FAM228B: variants seen among roughly 807,000 people sequenced by gnomAD.
FAM228B encodes the protein protein FAM228B.
FAM228B carries 38 observed loss-of-function variants against 42.6 expected under a neutral mutation model. That is an observed-to-expected ratio of 0.89 (90% CI 0.69 to 1.17). The LOEUF is 1.17. Among genes scored for constraint, FAM228B ranks in the 50% most tolerant of loss-of-function variants. The pLI, the probability that FAM228B is intolerant of heterozygous loss-of-function variation, is 0.00. For synonymous variants in FAM228B, 109 were observed against 122.3 expected (o/e 0.89, Z 0.72); for missense variants, 344 against 367.3 (o/e 0.94, Z 0.52).
upstream of FAM228B, chr2:24,119,783 G>T: frequency 3.8e-6 from 3 of 790,910 alleles, no homozygotes; most frequent in Non-Finnish European, 6.1e-6. Flanking sequence ...ATTTCCATAT[G>T]TTTGGAATAT....
chr2:24,136,975 A>C (rs1247882268), intron 3 of FAM228B, among the ~76,000 whole-genome samples: 2 of 152,060 alleles, frequency 1.3e-5, no homozygotes, highest in Non-Finnish European at 2.9e-5. Flanking sequence ...TTCTGGCTCT[A>C]TGAATTTTGG....
intron 2 of FAM228B, among the ~76,000 whole-genome samples, chr2:24,093,620 A>ATTTTT: frequency 6.9e-6 from 1 of 145,776 alleles, no homozygotes; most frequent in South Asian, 2.2e-4. Flanking sequence ...ATATGTGTGC[A>ATTTTT]TTTTTTTTTT....
intron 4 of FAM228B, 84 bp from the exon 5 acceptor site, chr2:24,139,286 T>C: frequency 3.0e-6 from 2 of 667,192 alleles, no homozygotes; most frequent in Non-Finnish European, 5.1e-6. Context: ...AATGATACTA[T>C]GTGTTTGACT....
intron 7 of FAM228B, among the ~76,000 whole-genome samples, chr2:24,149,903 A>C (rs1666986347): frequency 6.6e-6 from 1 of 152,148 alleles, no homozygotes; most frequent in South Asian, 2.1e-4. Context: ...GAGGCTTGTA[A>C]ATGCTATCTT....
rs1666443896 is a variant in FAM228B, at chr2:24,131,127, C to CA, written c.100-3991dup. Among the ~76,000 whole-genome samples, 4 of 152,256 alleles carry CA rather than the reference C, an allele frequency of 2.6e-5. No individual in the cohort carries two copies. In the South Asian group the frequency reaches 8.3e-4, roughly 32 times the overall value. ...TGTTTTTGTCTGGTTTGTCGAAGAT[C>CA]AGATGGTTGTAAATGTATGGTGTTA... On this transcript the variant is annotated intron_variant, in intron 2 of 10. Transcript: ENST00000615575.
At chr2:24,159,193 T>A (rs1265534207) in intron 7 of FAM228B, among the ~76,000 whole-genome samples, 5 of 152,228 alleles carry the variant, frequency 3.3e-5, no homozygotes, top group Non-Finnish European at 7.3e-5. Context: ...TATTTCCAAA[T>A]AAGGTCAAAT....
At chr2:24,090,048 C>T (rs1573730037) in intron 2 of FAM228B, among the ~76,000 whole-genome samples, 3 of 147,410 alleles carry the variant, frequency 2.0e-5, no homozygotes, top group East Asian at 2.0e-4. Flanking sequence ...CCAAGGCGGG[C>T]GGATCACGAG....
At chr2:24,131,858 A>G (rs1666461831) in intron 2 of FAM228B, among the ~76,000 whole-genome samples, 1 of 152,206 alleles carries the variant, frequency 6.6e-6, no homozygotes, top group South Asian at 2.1e-4. Flanking sequence ...CAGAACTTCC[A>G]GTAATATGTT....
intron 2 of FAM228B, among the ~76,000 whole-genome samples, chr2:24,090,150 C>T (rs973031731): frequency 6.6e-6 from 1 of 151,900 alleles, no homozygotes; most frequent in Admixed American, 6.6e-5. Context: ...CGCCTGTAGT[C>T]CCAGTTACTC....
At chr2:24,109,401 T>G (rs1267918455) in intron 3 of FAM228B, among the ~76,000 whole-genome samples, 2 of 152,094 alleles carry the variant, frequency 1.3e-5, no homozygotes, top group Non-Finnish European at 2.9e-5. Context: ...GATTTCATAA[T>G]GAAGACACCA....
Position 24,084,381 on chromosome 2 carries a change from C to A in FAM228B, c.-210+3426C>A. 7.5e-7 allele frequency: 1 copy of A among 1,341,106 alleles called. No individual in the cohort carries two copies. The allele number at this position is 1,341,106 out of a possible 1,614,324, so 83.1% of individuals were successfully genotyped here. On this transcript the variant is annotated intron_variant, in intron 2 of 10. Coordinates refer to the FAM228B transcript ENST00000613899. The surrounding 1 kb of genome is among the most constrained non-coding windows in gnomAD (Gnocchi z 8.4). Reference sequence around the variant, plus strand: ...CAGGACAGGACAGGGCAGGGCAGGGCAGGACAGGACAGGGCAGGGCAGGAC... The same window carrying A: ...CAGGACAGGACAGGGCAGGGCAGGGAAGGACAGGACAGGGCAGGGCAGGAC...
intron 2 of FAM228B, chr2:24,085,679 C>T (rs1001876404): frequency 1.3e-5 from 2 of 152,200 alleles, no homozygotes; most frequent in African/African-American, 4.8e-5. Flanking sequence ...CACTGACCCC[C>T]TACACTGCTC....
At chr2:24,098,046 C>T (rs563350906) in intron 3 of FAM228B, among the ~76,000 whole-genome samples, 12 of 152,156 alleles carry the variant, frequency 7.9e-5, no homozygotes, top group African/African-American at 2.2e-4. Flanking sequence ...GGATACATAA[C>T]GAAATGAAGG....
chr2:24,119,540 A>T, upstream of FAM228B: 1 of 1,485,202 alleles, frequency 6.7e-7, no homozygotes, highest in Non-Finnish European at 9.4e-7. Flanking sequence ...CCCAACTAAC[A>T]TAGGGAATGA....
Position 24,124,328 on chromosome 2 carries a change from A to T in FAM228B, c.-32-2A>T. 1 of 1,361,190 alleles carries T rather than the reference A, an allele frequency of 7.3e-7. No homozygotes were observed. Among genetic ancestry groups the T allele is most frequent in the Non-Finnish European group, 1.0e-6 (1 of 985,478 alleles). The allele number at this position is 1,361,190 out of a possible 1,614,324, so 84.3% of individuals were successfully genotyped here. ...TTCAATACTAAATAAGATGATTTTT[A>T]GTTTTTCCAGGGGCATTGTTATTTG... On this transcript the variant is annotated splice_acceptor_variant, in intron 1 of 10. Transcript: ENST00000615575. LOFTEE classifies it low-confidence loss of function (5UTR_SPLICE).
chr2:24,156,548 C>T (rs930525397), intron 7 of FAM228B, among the ~76,000 whole-genome samples: 22 of 152,118 alleles, frequency 1.4e-4, no homozygotes, highest in African/African-American at 4.8e-4. Flanking sequence ...GCAGGAGAAT[C>T]GCTTGAACCC....
In FAM228B at chr2:24,092,852, G is replaced by A. The variant is rs1042792454; in HGVS notation, c.-209-2289G>A. On this transcript the variant is annotated intron_variant, in intron 2 of 10. Transcript: ENST00000613899. ...TGACATCAAGGGATTTCTGTGAAGC[G>A]TTTGTTTAATCAGAGTAAAATTATG... Among the ~76,000 whole-genome samples, 12 of 151,898 alleles carry A rather than the reference G, an allele frequency of 7.9e-5. No homozygotes were observed. The South Asian group carries it at 1.0e-3, about 13-fold the overall frequency.
intron 1 of FAM228B, chr2:24,079,000 T>G (rs1664880000): frequency 6.1e-6 from 1 of 164,082 alleles, no homozygotes; most frequent in Non-Finnish European, 1.3e-5. Flanking sequence ...ATCCTCTGCC[T>G]CAGCCTTCCA....
At chr2:24,102,040 GA>G (rs1558371035) in intron 3 of FAM228B, among the ~76,000 whole-genome samples, 3 of 152,028 alleles carry the variant, frequency 2.0e-5, no homozygotes, top group Non-Finnish European at 2.9e-5. Context: ...AATTAGATGG[GA>G]AAAAAATTTC....
Sources: allele counts gnomAD v4.1 joint callset (sites outside exome capture counted in the v4.1 genomes callset), GRCh38; gene constraint gnomAD v4.1.1; non-coding constraint Gnocchi (gnomAD v3.1); transcripts MANE v1.5; gene names NCBI Gene and HGNC (gene_info 2026-07-23, HGNC 2026-07-21).